Variants in PCDHA4 observed in about 807,000 individuals in gnomAD.
PCDHA4 encodes the protein protocadherin alpha-4.
PCDHA4 carries 49 observed loss-of-function variants against 61.4 expected under a neutral mutation model. That is an observed-to-expected ratio of 0.80 (90% CI 0.63 to 1.01). PCDHA4 has a LOEUF of 1.01. Ranked by LOEUF, PCDHA4 falls within the 50% of genes least tolerant of loss-of-function variation. PCDHA4 has a pLI of 0.00. For synonymous variants in PCDHA4, 590 were observed against 550.3 expected (o/e 1.07, Z -1.01); for missense variants, 1,254 against 1,235.8 (o/e 1.01, Z -0.22).
At chr5:140,966,989 G>C (rs879989091) in intron 1 of PCDHA4, 7 of 1,604,030 alleles carry the variant, frequency 4.4e-6, no homozygotes, top group Non-Finnish European at 5.1e-6. Context: ...CTTGGGGCCG[G>C]GTTGCTTGCG....
intron 3 of PCDHA4, among the ~76,000 whole-genome samples, chr5:140,985,683 G>T (rs926848363): frequency 3.3e-5 from 5 of 151,148 alleles, no homozygotes; most frequent in Admixed American, 6.6e-5. Flanking sequence ...CCTGCCTTAC[G>T]CTAATCCTCG....
chr5:140,851,049 T>G (rs114642351), intron 1 of PCDHA4: 1 of 1,386,514 alleles, frequency 7.2e-7, no homozygotes, highest in African/African-American at 1.5e-5. Flanking sequence ...GAGCCGACTT[T>G]GTCTTGACTT....
intron 1 of PCDHA4, chr5:140,831,181 A>T (rs2150192269): frequency 5.3e-5 from 8 of 152,354 alleles, no homozygotes; most frequent in African/African-American, 1.9e-4. Context: ...GTGATTCAAC[A>T]GAATTTAGAC....
rs1022293477 is a variant in PCDHA4, at chr5:140,841,242, T to C, written c.2385+31670T>C. 4.7e-6 allele frequency: 7 copies of C among 1,492,124 alleles called. No individual in the cohort carries two copies. The Admixed American group carries it at 6.7e-5, about 14-fold the overall frequency. The allele number at this position is 1,492,124 out of a possible 1,614,324, so 92.4% of individuals were successfully genotyped here. On this transcript the variant is annotated intron_variant, in intron 1 of 3. Transcript: ENST00000530339. ...CCGAACAACGGGAGATGCAGCGGAATTGGATTAAAAGACTCTGAAAGTACA... is the reference window on the plus strand; with the variant it reads ...CCGAACAACGGGAGATGCAGCGGAACTGGATTAAAAGACTCTGAAAGTACA...
intron 1 of PCDHA4, chr5:140,863,708 A>G: frequency 3.5e-6 from 1 of 284,690 alleles, no homozygotes; most frequent in Non-Finnish European, 6.9e-6. Flanking sequence ...TTTAAAGTAC[A>G]CTGGGGCCGG....
chr5:140,893,929 T>C (rs2064240374), intron 1 of PCDHA4, among the ~76,000 whole-genome samples: 1 of 152,214 alleles, frequency 6.6e-6, no homozygotes, highest in South Asian at 2.1e-4. Flanking sequence ...TCAGAATCTC[T>C]ACCTGTTAAT....
chr5:140,845,560 A>G (rs2150379954), intron 1 of PCDHA4, among the ~76,000 whole-genome samples: 47 of 149,642 alleles, frequency 3.1e-4, no homozygotes, highest in African/African-American at 1.1e-3. Context: ...GCTTTTAGCT[A>G]TTAAGAATTT....
intron 1 of PCDHA4, among the ~76,000 whole-genome samples, chr5:140,880,362 A>G (rs1005788716): frequency 4.6e-5 from 7 of 152,236 alleles, no homozygotes; most frequent in Non-Finnish European, 1.0e-4. Context: ...ATTTAGATGA[A>G]AACCATGAGA....
intron 1 of PCDHA4, chr5:140,871,330 G>A: frequency 1.9e-6 from 3 of 1,614,116 alleles, no homozygotes; most frequent in South Asian, 1.1e-5. Flanking sequence ...GTGCTCCCGC[G>A]CGGTGGGGAG....
At chr5:140,978,283 G>A (rs1355729190) in intron 1 of PCDHA4, among the ~76,000 whole-genome samples, 3 of 152,200 alleles carry the variant, frequency 2.0e-5, no homozygotes, top group South Asian at 2.1e-4. Context: ...CAGTGATTCA[G>A]TGAGGAGGGA....
At chr5:140,920,825 G>A (rs557360536) in intron 1 of PCDHA4, among the ~76,000 whole-genome samples, 12 of 150,152 alleles carry the variant, frequency 8.0e-5, no homozygotes, top group African/African-American at 2.4e-4. Context: ...GCCTGGCGAC[G>A]GAGCAAGACC....
At chr5:140,988,483 C>T (rs2097299555) in intron 3 of PCDHA4, among the ~76,000 whole-genome samples, 2 of 152,030 alleles carry the variant, frequency 1.3e-5, no homozygotes, top group African/African-American at 4.8e-5. Context: ...AATTAGCATC[C>T]CCTACCTAGG....
At chr5:140,884,104 G>A in intron 1 of PCDHA4, 3 of 1,613,464 alleles carry the variant, frequency 1.9e-6, no homozygotes, top group African/African-American at 1.3e-5. Flanking sequence ...ATGAATTGCA[G>A]CTGGCGGCGG....
intron 1 of PCDHA4, chr5:140,857,484 G>T (rs1044921765): frequency 6.3e-7 from 1 of 1,598,534 alleles, no homozygotes; most frequent in Admixed American, 1.7e-5. Context: ...GTGTCTGCGT[G>T]GGACGCGGAC....
Position 140,841,493 on chromosome 5 carries a change from G to A in PCDHA4, c.2385+31921G>A, listed in dbSNP as rs2150316668. On this transcript the variant is annotated intron_variant, in intron 1 of 3. Coordinates refer to ENST00000530339, the MANE Select transcript of PCDHA4 (RefSeq NM_018907.4). Reference sequence around the variant, plus strand: ...GCAGGACCTGGGGCTGGAGCTGGCGGAGCTGGTGCCGCGCCTGTTCCGGGT... The same window carrying A: ...GCAGGACCTGGGGCTGGAGCTGGCGAAGCTGGTGCCGCGCCTGTTCCGGGT... 2.5e-5 allele frequency: 41 copies of A among 1,613,108 alleles called. No homozygotes were observed. The South Asian group carries it at 4.3e-4, about 17-fold the overall frequency.
chr5:140,882,767 G>T lies in PCDHA4; in HGVS notation c.2385+73195G>T, dbSNP rs1348655523. ...CGATGCAGATATTGGAGTAAACTCG[G>T]CATTGACCTACCGACTGGATCCCAA... On this transcript the variant is annotated intron_variant, in intron 1 of 3. Transcript: ENST00000530339. 1.9e-6 allele frequency: 3 copies of T among 1,614,058 alleles called. No individual in the cohort carries two copies. The South Asian group carries it at 3.3e-5, about 18-fold the overall frequency.
intron 1 of PCDHA4, chr5:140,884,589 C>G: frequency 1.9e-6 from 3 of 1,614,146 alleles, no homozygotes; most frequent in Admixed American, 3.3e-5. Context: ...GCCTTCAGTC[C>G]CAGCCTTCCT....
At chr5:140,856,044 A>G (rs782811970) in intron 1 of PCDHA4, 1 of 1,581,666 alleles carries the variant, frequency 6.3e-7, no homozygotes, top group South Asian at 1.1e-5. Context: ...CAAGAGAAGG[A>G]TAAGATGGTT....
At position 140,808,990 on chromosome 5, in the gene PCDHA4, G is replaced by T. The variant is rs2879087; in HGVS notation, c.1803G>T (p.Ser601=). 3.0e-5 allele frequency: 49 copies of T among 1,613,634 alleles called. No homozygotes were observed. Among genetic ancestry groups the T allele is most frequent in the Non-Finnish European group, 4.0e-5 (47 of 1,179,798 alleles). The change falls in exon 1 of 4, where the codon TCG becomes TCT. Residue 601 remains serine (S), a synonymous_variant. Coordinates refer to ENST00000530339, the MANE Select transcript of PCDHA4 (RefSeq NM_018907.4). ...AGGTGCGCGCGGTGGATGCTGACTCGGGCTACAACGCGTGGCTTTCGTACG... is the reference window on the plus strand; with the variant it reads ...AGGTGCGCGCGGTGGATGCTGACTCTGGCTACAACGCGTGGCTTTCGTACG... ...VAKVRAVDAD[S]GYNAWLSYEL... is the part of the protein sequence containing the mutation.
Sources: gnomAD v4.1 joint callset for allele counts (sites outside exome capture counted in the v4.1 genomes callset) on GRCh38, gnomAD v4.1.1 for gene constraint, MANE v1.5 for transcripts, NCBI Gene and HGNC (gene_info 2026-07-23, HGNC 2026-07-21) for gene names.